Variants in PIAS1 observed in about 807,000 individuals in gnomAD.
PIAS1 encodes the protein protein inhibitor of activated STAT 1.
In PIAS1, 6 loss-of-function variants were observed where a neutral mutation model predicts 71.3. That is an observed-to-expected ratio of 0.08 (90% CI 0.05 to 0.17). PIAS1 has a LOEUF of 0.17. Among genes scored for constraint, PIAS1 ranks in the 10% least tolerant of loss-of-function variants. PIAS1 has a pLI of 1.00. For missense variants in PIAS1, 555 were observed against 793.6 expected (o/e 0.70, Z 3.61); for synonymous variants, 303 against 292.9 (o/e 1.03, Z -0.35).
At chr15:68,149,264 A>G (rs1049508314) in intron 6 of PIAS1, among the ~76,000 whole-genome samples, 2 of 151,674 alleles carry the variant, frequency 1.3e-5, no homozygotes, top group African/African-American at 4.9e-5. Flanking sequence ...TGTGTGAGTC[A>G]TCTGCATATT....
chr15:68,113,621 C>G (rs2092540529), intron 2 of PIAS1, among the ~76,000 whole-genome samples: 1 of 151,892 alleles, frequency 6.6e-6, no homozygotes, highest in Non-Finnish European at 1.5e-5. Context: ...ATTAAGTCTA[C>G]CAGGAGACCA....
At chr15:68,117,111 A>G (rs930246494) in intron 2 of PIAS1, among the ~76,000 whole-genome samples, 19 of 152,108 alleles carry the variant, frequency 1.2e-4, no homozygotes, top group African/African-American at 3.1e-4. Flanking sequence ...CTTGAGACAA[A>G]GTCTCATTCT....
chr15:68,075,848 C>T (rs138464052), intron 1 of PIAS1, among the ~76,000 whole-genome samples: 3,289 of 145,524 alleles, frequency 0.023, 63 homozygotes, highest in Non-Finnish European at 0.035. Context: ...ATGATGCGAT[C>T]TTGGCTCACT....
intron 7 of PIAS1, among the ~76,000 whole-genome samples, chr15:68,161,601 A>T (rs1245123995): frequency 6.6e-6 from 1 of 152,078 alleles, no homozygotes; most frequent in African/African-American, 2.4e-5. Context: ...AAGTAACAAT[A>T]GCTAATATTT....
chr15:68,095,592 A>C (rs370564373), intron 2 of PIAS1, among the ~76,000 whole-genome samples: 1 of 145,112 alleles, frequency 6.9e-6, no homozygotes, highest in Non-Finnish European at 1.5e-5. Context: ...GTGCAGTGGC[A>C]TGATCTCGGC....
chr15:68,113,624 G>A (rs886570294), intron 2 of PIAS1, among the ~76,000 whole-genome samples: 1 of 152,038 alleles, frequency 6.6e-6, no homozygotes, highest in Non-Finnish European at 1.5e-5. Context: ...AAGTCTACCA[G>A]GAGACCAGCT....
intron 2 of PIAS1, among the ~76,000 whole-genome samples, chr15:68,138,480 G>T (rs1418982987): frequency 1.3e-5 from 2 of 152,020 alleles, no homozygotes; most frequent in African/African-American, 4.8e-5. Flanking sequence ...ATTTATTTAT[G>T]AATGAATGAA....
intron 2 of PIAS1, among the ~76,000 whole-genome samples, chr15:68,134,641 C>T (rs1401813617): frequency 7.4e-5 from 3 of 40,360 alleles, no homozygotes; most frequent in Non-Finnish European, 2.3e-4. Context: ...ACCTCCCTCC[C>T]GGACGGGGCG....
In PIAS1 at chr15:68,176,514, C is replaced by T; in HGVS notation, c.1341C>T (p.His447=). The T allele has an allele frequency of 4.3e-6, 7 of 1,611,448 alleles. No individual in the cohort carries two copies. The highest frequency in any genetic ancestry group is 5.9e-6 in the Non-Finnish European group (7 of 1,178,788). The change falls in exon 11 of 14, where the codon CAC becomes CAT. Residue 447 remains histidine, a synonymous_variant. Coordinates refer to ENST00000249636, the MANE Select transcript of PIAS1 (RefSeq NM_016166.3). ...SSTLEHQVAS[H]HQSSNKNKKV... ...CATTGGAGCATCAGGTAGCGTCTCACCACCAGTCCTCAAATAAAAACAAGA... is the reference window on the plus strand; with the variant it reads ...CATTGGAGCATCAGGTAGCGTCTCATCACCAGTCCTCAAATAAAAACAAGA...
chr15:68,116,162 A>G (rs972467925), intron 2 of PIAS1, among the ~76,000 whole-genome samples: 2 of 150,904 alleles, frequency 1.3e-5, no homozygotes, highest in East Asian at 3.9e-4. Flanking sequence ...GAAAACATTT[A>G]TGTAGGGTTG....
At chr15:68,109,781 G>A (rs1223915780) in intron 2 of PIAS1, among the ~76,000 whole-genome samples, 1 of 152,152 alleles carries the variant, frequency 6.6e-6, no homozygotes, top group East Asian at 1.9e-4. Context: ...TTCCAAGTCT[G>A]AAACTAGAGG....
chr15:68,059,755 A>G (rs1402161303), intron 1 of PIAS1, among the ~76,000 whole-genome samples: 1 of 146,572 alleles, frequency 6.8e-6, no homozygotes. Flanking sequence ...TGTTTATTTT[A>G]TTTTTGTAGA....
At chr15:68,176,738 A>T (rs1033204947) in intron 11 of PIAS1, 84 bp downstream of exon 11, 2 of 956,946 alleles carry the variant, frequency 2.1e-6, no homozygotes, top group East Asian at 2.6e-5. Flanking sequence ...AAATAAAATG[A>T]TTCTTGATTG....
rs1441200927 is a variant in PIAS1 at position 68,185,759 on chromosome 15, C to T, written c.1663-1783C>T. ...CGGGTAGATCATGAGGTCAGGAGTT[C>T]GAGACCAGCCTGACCAACATGGTGA... On this transcript the variant is annotated intron_variant, in intron 13 of 13. Transcript: ENST00000249636. This position sits in a 1 kb window ranked among gnomAD's most constrained non-coding sequence, Gnocchi z 4.4. Among the ~76,000 whole-genome samples, 1 of 151,920 alleles carries T rather than the reference C, an allele frequency of 6.6e-6. No homozygotes were observed. The highest frequency in any genetic ancestry group is 1.5e-5 in the Non-Finnish European group (1 of 67,992).
chr15:68,073,855 G>A (rs1178795790), intron 1 of PIAS1, among the ~76,000 whole-genome samples: 1 of 152,204 alleles, frequency 6.6e-6, no homozygotes, highest in Non-Finnish European at 1.5e-5. Flanking sequence ...ATGACTTGGA[G>A]AGGATAATAT....
intron 7 of PIAS1, among the ~76,000 whole-genome samples, chr15:68,156,140 C>G (rs2092887329): frequency 6.6e-6 from 1 of 152,174 alleles, no homozygotes; most frequent in Admixed American, 6.5e-5. Context: ...TAACATTAAA[C>G]AAGACACATA....
intron 1 of PIAS1, among the ~76,000 whole-genome samples, chr15:68,083,749 T>C (rs2092251552): frequency 6.6e-6 from 1 of 150,672 alleles, no homozygotes; most frequent in South Asian, 2.1e-4. Flanking sequence ...TTATGACAAT[T>C]GATGATGAAT....
intron 5 of PIAS1, 57 bp downstream of exon 5, chr15:68,145,963 C>A: frequency 1.0e-6 from 1 of 965,456 alleles, no homozygotes; most frequent in South Asian, 1.3e-5. Context: ...TCAAATAAGT[C>A]ATCACAACTG....
Position 68,086,399 on chromosome 15 carries a change from A to G in PIAS1, c.118A>G (p.Lys40Glu), listed in dbSNP as rs762857336. The G allele has an allele frequency of 6.2e-7, 1 of 1,613,896 alleles. No homozygotes were observed. The change falls in exon 2 of 14, where the codon AAA becomes GAA. Residue 40 changes from lysine to glutamate, a missense_variant. This residue lies in a region of PIAS1 where 48 missense variants were observed against 86.6 expected (regional missense o/e 0.55). Transcript: ENST00000249636. The surrounding 1 kb of genome is among the most constrained non-coding windows in gnomAD (Gnocchi z 7.2). Reference sequence around the variant, plus strand: ...CGGACGCAAACACGAACTTCTCACAAAAGCCCTGCATTTGCTAAAGGCTGG... The same window carrying G: ...CGGACGCAAACACGAACTTCTCACAGAAGCCCTGCATTTGCTAAAGGCTGG... ...KHGRKHELLT[K>E]ALHLLKAGCS...
Sources: allele counts gnomAD v4.1 joint callset (sites outside exome capture counted in the v4.1 genomes callset), GRCh38; gene constraint gnomAD v4.1.1; regional missense constraint gnomAD v4.1.1; non-coding constraint Gnocchi (gnomAD v3.1); transcripts MANE v1.5; gene names NCBI Gene and HGNC (gene_info 2026-07-23, HGNC 2026-07-21).